JPH2: variants seen among roughly 807,000 people sequenced by gnomAD.
JPH2 encodes the protein junctophilin 2.
JPH2 carries 38 observed loss-of-function variants against 55.9 expected under a neutral mutation model. That is an observed-to-expected ratio of 0.68 (90% CI 0.52 to 0.89). The LOEUF (loss-of-function observed/expected upper bound fraction) is 0.89. Ranked by LOEUF, JPH2 falls within the 40% of genes least tolerant of loss-of-function variation. JPH2 has a pLI of 0.00. For missense variants in JPH2, 964 were observed against 1,037.6 expected, an observed-to-expected ratio of 0.93 and a Z score of 0.97; for synonymous variants, 480 against 472.4, an observed-to-expected ratio of 1.02 and a Z score of -0.21.
chr20:44,140,435 G>A (rs962953773), intron 2 of JPH2, among the ~76,000 whole-genome samples: 1 of 152,220 alleles, frequency 6.6e-6, no homozygotes, highest in African/African-American at 2.4e-5. Context: ...CAAAGCTACA[G>A]CAGGTCCTAT....
Position 44,160,085 on chromosome 20 carries a change from C to T in JPH2, c.702G>A (p.Glu234=), listed in dbSNP as rs539149173. Residue 234 remains glutamate (E), a synonymous_variant, in exon 2 of 6, where the codon GAG becomes GAA. Coordinates refer to ENST00000372980, the MANE Select transcript of JPH2 (RefSeq NM_020433.5). The surrounding 1 kb of genome is among the most constrained non-coding windows in gnomAD (Gnocchi z 4.9). ...GCTGGCTACCCACGGACGTGCGCGA[C>T]TCTGCGCGCCGCAGCTTGCCCAGCA... ...GALLGKLRRA[E]SRTSVGSQRS... The T allele has an allele frequency of 1.4e-5, 22 of 1,532,634 alleles. No individual in the cohort carries two copies. In the African/African-American group the frequency reaches 2.2e-4, roughly 15 times the overall value. The allele number at this position is 1,532,634 out of a possible 1,614,324, so 94.9% of individuals were successfully genotyped here.
chr20:44,153,253 C>T (rs1054971974), intron 2 of JPH2, among the ~76,000 whole-genome samples: 1 of 152,218 alleles, frequency 6.6e-6, no homozygotes, highest in East Asian at 1.9e-4. Context: ...CGGCCCTTTA[C>T]ATGAGCTACT....
chr20:44,119,806 G>A (rs1164701737), intron 2 of JPH2, among the ~76,000 whole-genome samples: 1 of 151,212 alleles, frequency 6.6e-6, no homozygotes, highest in Admixed American at 6.6e-5. Flanking sequence ...CCCAGGAGGC[G>A]GAGCTTGCAG....
chr20:44,167,004 C>T lies in JPH2; in HGVS notation c.380-6597G>A, dbSNP rs141292968. On this transcript the variant is annotated intron_variant, in intron 1 of 5. Coordinates refer to ENST00000372980, the MANE Select transcript of JPH2 (RefSeq NM_020433.5). ...TCACCACTCACACTCGCCTTCCCAC[C>T]TTGGGGCCTTTGCACAAGCTTTCCC... Among the ~76,000 whole-genome samples, 14 of 152,338 alleles carry T rather than the reference C, an allele frequency of 9.2e-5. 1 individual carries two copies. The East Asian group carries it at 2.5e-3, about 27-fold the overall frequency.
At chr20:44,124,525 C>T (rs2072262339) in intron 2 of JPH2, among the ~76,000 whole-genome samples, 2 of 152,040 alleles carry the variant, frequency 1.3e-5, no homozygotes, top group African/African-American at 4.8e-5. Flanking sequence ...CCAAAAATCC[C>T]TTGTATGGTC....
intron 2 of JPH2, among the ~76,000 whole-genome samples, chr20:44,140,941 G>C (rs56172402): frequency 0.15 from 23,578 of 152,162 alleles, 2,041 homozygotes; most frequent in Admixed American, 0.26. Flanking sequence ...CCCAAGGAAC[G>C]AGTGTTATCT....
intron 1 of JPH2, among the ~76,000 whole-genome samples, chr20:44,181,962 C>T (rs559195558): frequency 7.0e-4 from 107 of 152,158 alleles, no homozygotes; most frequent in Non-Finnish European, 1.4e-3. Flanking sequence ...CTAGCTGCAT[C>T]GGAGTCCCTA....
rs2072149671 is a variant in JPH2, at chr20:44,112,004, T to G, written c.*1514A>C. The G allele has an allele frequency of 6.6e-6, 1 of 152,246 alleles. No individual in the cohort carries two copies. Among genetic ancestry groups the G allele is most frequent in the Non-Finnish European group, 1.5e-5 (1 of 68,132 alleles). 9.4% of individuals were successfully genotyped at this position (152,246 alleles called of 1,614,324 possible). ...GGAAGAATCTGCAGGTTCTTCTCCA[T>G]GAAAATACAGTCCTGGATTCCAGCC... On this transcript the variant is annotated 3_prime_UTR_variant, in exon 6 of 6. Transcript: ENST00000372980.
rs115546872 is a variant in JPH2 at position 44,118,453 on chromosome 20, G to A, written c.1288+52C>T. On this transcript the variant is annotated intron_variant, in intron 3 of 5. Coordinates refer to ENST00000372980, the MANE Select transcript of JPH2 (RefSeq NM_020433.5). The stretch of plus-strand genomic sequence containing the variant: ...CAGATTCCAGTAAGCAAAGAAAAGC[G>A]CCCACCCTAGGGATAGCCCTACCCT... 1,933 of 1,398,912 alleles carry A rather than the reference G, an allele frequency of 1.4e-3. 27 individuals carry two copies. In the African/African-American group the frequency reaches 0.025, roughly 18 times the overall value. 86.7% of individuals were successfully genotyped at this position (1,398,912 alleles called of 1,614,324 possible).
intron 2 of JPH2, among the ~76,000 whole-genome samples, chr20:44,148,971 G>T (rs1411172833): frequency 6.6e-6 from 1 of 151,866 alleles, no homozygotes; most frequent in Non-Finnish European, 1.5e-5. Context: ...GGAGGCTGAG[G>T]CAGGAGAATG....
At chr20:44,175,650 A>G (rs2072728071) in intron 1 of JPH2, among the ~76,000 whole-genome samples, 1 of 152,188 alleles carries the variant, frequency 6.6e-6, no homozygotes, top group African/African-American at 2.4e-5. Flanking sequence ...TGAGCCCGCA[A>G]GGCTCCACCA....
rs993570102 is a variant in JPH2, at chr20:44,184,133, G to T, written c.379+2194C>A. ...GATTGTGCCACTGCACTCCAGCCTG[G>T]GCGACAGAGTAAGACCCTGTCTCAA... On this transcript the variant is annotated intron_variant, in intron 1 of 5. Coordinates refer to ENST00000372980, the MANE Select transcript of JPH2 (RefSeq NM_020433.5). Among the ~76,000 whole-genome samples the T allele has an allele frequency of 1.1e-3, 160 of 152,288 alleles. 1 individual carries two copies. Among genetic ancestry groups the T allele is most frequent in the African/African-American group, 3.6e-3 (149 of 41,554 alleles).
At chr20:44,163,830 G>A (rs1600860421) in intron 1 of JPH2, among the ~76,000 whole-genome samples, 2 of 152,330 alleles carry the variant, frequency 1.3e-5, no homozygotes, top group Middle Eastern at 6.8e-3. Flanking sequence ...GGTCCCTAGT[G>A]CTTCCAGCCC....
chr20:44,126,238 G>C (rs1225948358), intron 2 of JPH2, among the ~76,000 whole-genome samples: 2 of 149,826 alleles, frequency 1.3e-5, no homozygotes, highest in East Asian at 3.9e-4. Context: ...GTTTTGAAGG[G>C]GACTGAAACA....
intron 4 of JPH2, among the ~76,000 whole-genome samples, chr20:44,115,302 T>C (rs2072179498): frequency 6.6e-6 from 1 of 152,070 alleles, no homozygotes. Flanking sequence ...AAGCCCTCAC[T>C]GCTACACCTT....
At chr20:44,171,488 G>A (rs1054918586) in intron 1 of JPH2, among the ~76,000 whole-genome samples, 3 of 152,136 alleles carry the variant, frequency 2.0e-5, no homozygotes, top group Non-Finnish European at 4.4e-5. Context: ...TCTACTAGAA[G>A]GATGAAGTTC....
At position 44,118,917 on chromosome 20, in the gene JPH2, G is replaced by C. The variant is rs578017403; in HGVS notation, c.1170-294C>G. Reference sequence around the variant, plus strand: ...AAGACATCATGTATGCTATTTCCAGGCTTGGCCCATAAAAACTTCTGTGCC... The same window carrying C: ...AAGACATCATGTATGCTATTTCCAGCCTTGGCCCATAAAAACTTCTGTGCC... On this transcript the variant is annotated intron_variant, in intron 2 of 5. Transcript: ENST00000372980. Among the ~76,000 whole-genome samples the C allele has an allele frequency of 5.3e-5, 8 of 152,296 alleles. No individual in the cohort carries two copies. In the South Asian group the frequency reaches 8.3e-4, roughly 16 times the overall value.
chr20:44,124,119 G>C (rs1164642011), intron 2 of JPH2, among the ~76,000 whole-genome samples: 8 of 152,144 alleles, frequency 5.3e-5, no homozygotes, highest in Non-Finnish European at 1.2e-4. Flanking sequence ...CGTCAGCAGG[G>C]TTAAAAATAA....
At position 44,115,770 on chromosome 20, in the gene JPH2, G is replaced by A; in HGVS notation, c.1905C>T (p.Ala635=). 1 of 1,612,066 alleles carries A rather than the reference G, an allele frequency of 6.2e-7. No individual in the cohort carries two copies. Residue 635 remains alanine (A), a synonymous_variant, in exon 4 of 6, where the codon GCC becomes GCT. Coordinates refer to ENST00000372980, the MANE Select transcript of JPH2 (RefSeq NM_020433.5). ...KPIIPKAEPR[A]KARKTEARGL... is the part of the protein sequence containing the mutation. ...CTCGAGCCTCAGTCTTGCGGGCCTTGGCCCTGGGCTCGGCTTTGGGGATGA... is the reference window on the plus strand; with the variant it reads ...CTCGAGCCTCAGTCTTGCGGGCCTTAGCCCTGGGCTCGGCTTTGGGGATGA...
Sources: allele counts gnomAD v4.1 joint callset (sites outside exome capture counted in the v4.1 genomes callset), GRCh38; gene constraint gnomAD v4.1.1; non-coding constraint Gnocchi (gnomAD v3.1); transcripts MANE v1.5; gene names NCBI Gene and HGNC (gene_info 2026-07-23, HGNC 2026-07-21).